TMOD2: variants seen among roughly 807,000 people sequenced by gnomAD.
TMOD2 encodes the protein tropomodulin 2, also known as tropomodulin-2.
A neutral mutation model predicts 39.9 loss-of-function variants in TMOD2; 22 were observed. That is an observed-to-expected ratio of 0.55 (90% CI 0.39 to 0.79). TMOD2 has a LOEUF of 0.79. Among genes scored for constraint, TMOD2 ranks in the 30% least tolerant of loss-of-function variants. The probability of loss-of-function intolerance (pLI) is 0.00; values close to 1 mark genes in which losing one functional copy is unlikely to be tolerated. For missense variants in TMOD2, 386 were observed against 413.3 expected, an observed-to-expected ratio of 0.93 and a Z score of 0.57; for synonymous variants, 123 against 146.1, an observed-to-expected ratio of 0.84 and a Z score of 1.14.
At chr15:51,767,873 G>C (rs1481339530) in intron 2 of TMOD2, among the ~76,000 whole-genome samples, 1 of 152,240 alleles carries the variant, frequency 6.6e-6, no homozygotes, top group African/African-American at 2.4e-5. Context: ...GCTTCTGCAG[G>C]AGAGGGGTTC....
intron 6 of TMOD2, among the ~76,000 whole-genome samples, chr15:51,782,196 A>G (rs936946903): frequency 1.3e-5 from 2 of 152,274 alleles, no homozygotes; most frequent in East Asian, 3.8e-4. Flanking sequence ...ACAGATAATT[A>G]TAACATGATG....
intron 7 of TMOD2, among the ~76,000 whole-genome samples, chr15:51,793,570 C>G (rs1164759550): frequency 3.3e-5 from 5 of 152,212 alleles, no homozygotes; most frequent in Non-Finnish European, 7.3e-5. Context: ...TACTCTACTT[C>G]AATTACATTT....
At chr15:51,791,726 G>A (rs1184961231) in intron 7 of TMOD2, among the ~76,000 whole-genome samples, 2 of 152,178 alleles carry the variant, frequency 1.3e-5, no homozygotes, top group East Asian at 3.8e-4. Context: ...TCTGATCTTT[G>A]ACAAACCTGA....
At chr15:51,757,139 C>T (rs1397022824) in intron 1 of TMOD2, among the ~76,000 whole-genome samples, 5 of 152,318 alleles carry the variant, frequency 3.3e-5, no homozygotes, top group East Asian at 1.9e-4. Context: ...TGGTGGCTCA[C>T]GCCTGTAATC....
chr15:51,798,402 G>A, intron 8 of TMOD2, 62 bp downstream of exon 8: 1 of 1,568,710 alleles, frequency 6.4e-7, no homozygotes, highest in Non-Finnish European at 8.7e-7. Flanking sequence ...CGGGGGAAAT[G>A]CCACAAGGAA....
At chr15:51,769,628 T>C (rs1160814308) in intron 3 of TMOD2, among the ~76,000 whole-genome samples, 3 of 151,996 alleles carry the variant, frequency 2.0e-5, no homozygotes, top group Non-Finnish European at 4.4e-5. Context: ...GGAGGAAGAG[T>C]GACTATCAAT....
Position 51,802,896 on chromosome 15 carries a change from G to A in TMOD2, c.877-3481G>A, listed in dbSNP as rs939356406. ...TGAGGGGTTGCTGGATGACAAGAAA[G>A]AGAGAAGCAAAGAGATAAGCCTTAA... is the stretch of plus-strand genomic sequence containing the variant. On this transcript the variant is annotated intron_variant, in intron 8 of 9. Transcript: ENST00000249700. Among the ~76,000 whole-genome samples, 4 of 152,192 alleles carry A rather than the reference G, an allele frequency of 2.6e-5. No individual in the cohort carries two copies. The East Asian group carries it at 7.7e-4, about 29-fold the overall frequency.
intron 4 of TMOD2, among the ~76,000 whole-genome samples, chr15:51,775,254 G>C (rs1411595800): frequency 6.6e-6 from 1 of 152,230 alleles, no homozygotes; most frequent in African/African-American, 2.4e-5. Context: ...CTGGGTGTCA[G>C]TGTGGTCACC....
chr15:51,773,954 G>A, intron 4 of TMOD2, 120 bp downstream of exon 4: 2 of 1,112,182 alleles, frequency 1.8e-6, no homozygotes, highest in Non-Finnish European at 2.5e-6. Context: ...TTGACACAAG[G>A]CATTATGGAG....
intron 5 of TMOD2, among the ~76,000 whole-genome samples, chr15:51,778,730 C>T (rs2055908680): frequency 7.4e-6 from 1 of 135,474 alleles, no homozygotes; most frequent in Admixed American, 7.8e-5. Flanking sequence ...TCTCGGCTCA[C>T]TGCAACCTCC....
At chr15:51,757,632 T>C (rs2055751601) in intron 1 of TMOD2, among the ~76,000 whole-genome samples, 1 of 152,178 alleles carries the variant, frequency 6.6e-6, no homozygotes, top group Non-Finnish European at 1.5e-5. Flanking sequence ...TCATATTGCA[T>C]GTTAAATGCT....
rs139977930 is a variant in TMOD2, at chr15:51,808,407, C to T, written c.1022-13C>T. ...CTTCAATTTGTCTTTTTGTTCCTTT[C>T]TTTCTTACCTAGTTCGTAAGAAGAG... On this transcript the variant is annotated splice_polypyrimidine_tract_variant and intron_variant, in intron 9 of 9. Transcript: ENST00000249700. 9,319 of 1,607,584 alleles carry T rather than the reference C, an allele frequency of 5.8e-3. 34 individuals are homozygous for T. Among genetic ancestry groups the T allele is most frequent in the Non-Finnish European group, 7.3e-3 (8,553 of 1,176,528 alleles).
intron 1 of TMOD2, among the ~76,000 whole-genome samples, chr15:51,759,675 C>T (rs1165824921): frequency 3.3e-5 from 5 of 152,072 alleles, no homozygotes; most frequent in Non-Finnish European, 7.4e-5. Flanking sequence ...AAGAGCAGAG[C>T]GCATAGATAG....
intron 4 of TMOD2, among the ~76,000 whole-genome samples, chr15:51,775,792 G>C (rs1167877056): frequency 6.6e-6 from 1 of 151,672 alleles, no homozygotes; most frequent in Non-Finnish European, 1.5e-5. Flanking sequence ...TGGCCAGGAT[G>C]GTCTCGATTT....
rs2055926459 is a variant in TMOD2 at position 51,781,087 on chromosome 15, A to G, written c.537A>G (p.Pro179=). Residue 179 remains proline (P), a synonymous_variant, in exon 6 of 10, where the codon CCA becomes CCG. Coordinates refer to ENST00000249700, the MANE Select transcript of TMOD2 (RefSeq NM_014548.4). ...AAGTAAAGCCAGTATTTGAGGAACC[A>G]CCAAATCCCACAAATGTGGAAATAA... ...GEKVKPVFEE[P]PNPTNVEISL... is the part of the protein sequence containing the mutation. 5.0e-6 allele frequency: 8 copies of G among 1,611,476 alleles called. No individual in the cohort carries two copies. The highest frequency in any genetic ancestry group is 6.8e-6 in the Non-Finnish European group (8 of 1,179,268).
chr15:51,771,336 G>A (rs1259886478), intron 3 of TMOD2, among the ~76,000 whole-genome samples: 4 of 152,224 alleles, frequency 2.6e-5, no homozygotes, highest in African/African-American at 9.6e-5. Flanking sequence ...CACAACCACA[G>A]TTCTGAACAC....
chr15:51,783,775 A>ATAGATAGATAGATAGG lies in TMOD2; in HGVS notation c.732+962_732+963insGTAGATAGATAGATAG, dbSNP rs1555462157. On this transcript the variant is annotated intron_variant, in intron 7 of 9. Coordinates refer to ENST00000249700, the MANE Select transcript of TMOD2 (RefSeq NM_014548.4). Reference sequence around the variant, plus strand: ...GATAGATAGATAGATAGATAGATAGATAGATAGATAGATAGATAAAAGAAA... The same window carrying ATAGATAGATAGATAGG: ...GATAGATAGATAGATAGATAGATAGATAGATAGATAGATAGGTAGATAGATAGATAGATAAAAGAAA... The ATAGATAGATAGATAGG allele has an allele frequency of 3.6e-4, 55 of 151,152 alleles. 4 individuals carry two copies. Among genetic ancestry groups the ATAGATAGATAGATAGG allele is most frequent in the East Asian group, 1.6e-3 (8 of 5,116 alleles). 9.4% of individuals were successfully genotyped at this position (151,152 alleles called of 1,614,324 possible).
chr15:51,806,695 A>C (rs2056124120), intron 9 of TMOD2, among the ~76,000 whole-genome samples, 174 bp downstream of exon 9: 1 of 152,176 alleles, frequency 6.6e-6, no homozygotes, highest in Admixed American at 6.5e-5. Context: ...TGGTCCTCGC[A>C]GTGTTAAGTT....
At chr15:51,775,015 C>G (rs2055877445) in intron 4 of TMOD2, among the ~76,000 whole-genome samples, 1 of 152,082 alleles carries the variant, frequency 6.6e-6, no homozygotes, top group Non-Finnish European at 1.5e-5. Flanking sequence ...GTCCTGTGTT[C>G]CCTAGGAATT....
Sources: gnomAD v4.1 joint callset for allele counts (sites outside exome capture counted in the v4.1 genomes callset) on GRCh38, gnomAD v4.1.1 for gene constraint, MANE v1.5 for transcripts, NCBI Gene and HGNC (gene_info 2026-07-23, HGNC 2026-07-21) for gene names.